The following RIMS2 variants were observed in gnomAD, a reference collection of about 807,000 sequenced individuals.
RIMS2 encodes the protein regulating synaptic membrane exocytosis protein 2.
RIMS2 carries 59 observed loss-of-function variants against 174.4 expected under a neutral mutation model. That is an observed-to-expected ratio of 0.34 (90% CI 0.27 to 0.42). The LOEUF is 0.42. RIMS2 is among the 10% of genes least tolerant of loss of function. The pLI is 1.00. For synonymous variants in RIMS2, 606 were observed against 572.5 expected, an observed-to-expected ratio of 1.06 and a Z score of -0.84; for missense variants, 1,620 against 1,666.3, an observed-to-expected ratio of 0.97 and a Z score of 0.48.
At chr8:104,137,622 ATACT>A (rs1444766393) in intron 19 of RIMS2, among the ~76,000 whole-genome samples, 1 of 152,192 alleles carries the variant, frequency 6.6e-6, no homozygotes, top group African/African-American at 2.4e-5. Flanking sequence ...TCAATAGAAG[ATACT>A]TAGAAGAGAA....
chr8:103,790,829 T>G (rs1380933550), intron 3 of RIMS2, among the ~76,000 whole-genome samples: 2 of 152,230 alleles, frequency 1.3e-5, no homozygotes, highest in Non-Finnish European at 2.9e-5. Context: ...TGATTTTATG[T>G]TTACATTGTA....
At chr8:103,946,983 T>C (rs1305223864) in intron 14 of RIMS2, among the ~76,000 whole-genome samples, 2 of 152,062 alleles carry the variant, frequency 1.3e-5, no homozygotes, top group Non-Finnish European at 2.9e-5. Flanking sequence ...AGCAAATCAA[T>C]GGGGGGGAAT....
At chr8:103,995,105 G>A (rs2094991850) in intron 17 of RIMS2, among the ~76,000 whole-genome samples, 1 of 151,762 alleles carries the variant, frequency 6.6e-6, no homozygotes, top group Admixed American at 6.6e-5. Context: ...TCCTTACATA[G>A]GCTCATAATC....
chr8:103,987,982 T>C (rs1348037597), intron 16 of RIMS2, among the ~76,000 whole-genome samples: 1 of 152,166 alleles, frequency 6.6e-6, no homozygotes, highest in Non-Finnish European at 1.5e-5. Flanking sequence ...AATAAAGATA[T>C]CAATTTTCCA....
At chr8:103,603,027 A>C (rs1310928326) in intron 1 of RIMS2, among the ~76,000 whole-genome samples, 1 of 151,800 alleles carries the variant, frequency 6.6e-6, no homozygotes, top group Non-Finnish European at 1.5e-5. Flanking sequence ...TTTAAGTTTT[A>C]GGGTACATGT....
In RIMS2 at chr8:104,073,124, A is replaced by G. The variant is rs558891206; in HGVS notation, c.3334+58509A>G. ...CAGAAAAATGTGATTTATTAAGTTT[A>G]ACAGTGTAAATTATGGTTCACCACA... is the stretch of plus-strand genomic sequence containing the variant. On this transcript the variant is annotated intron_variant, in intron 19 of 23. Transcript: ENST00000504942. 2.6e-5 allele frequency among the ~76,000 whole-genome samples: 4 copies of G among 152,146 alleles called. No homozygotes were observed. In the East Asian group the frequency reaches 7.7e-4, roughly 29 times the overall value.
At chr8:103,627,085 T>C (rs1227546564) in intron 1 of RIMS2, among the ~76,000 whole-genome samples, 3 of 152,106 alleles carry the variant, frequency 2.0e-5, no homozygotes, top group African/African-American at 7.2e-5. Context: ...TTTCAGTCCT[T>C]ATCTCAACTG....
chr8:103,609,282 AAT>A (rs1377928837), intron 1 of RIMS2, among the ~76,000 whole-genome samples: 7 of 152,222 alleles, frequency 4.6e-5, no homozygotes, highest in Non-Finnish European at 7.4e-5. Flanking sequence ...ATAGTTTGGA[AAT>A]ATTTTCTCCC....
At chr8:103,824,059 A>G (rs1263518906) in intron 3 of RIMS2, among the ~76,000 whole-genome samples, 2 of 152,078 alleles carry the variant, frequency 1.3e-5, no homozygotes, top group Non-Finnish European at 2.9e-5. Context: ...TTTGATTTAG[A>G]TATGTGTGTC....
intron 19 of RIMS2, among the ~76,000 whole-genome samples, chr8:104,200,329 T>C (rs1461109847): frequency 6.6e-6 from 1 of 152,232 alleles, no homozygotes; most frequent in African/African-American, 2.4e-5. Context: ...TTTTGTCCTA[T>C]CAGTTCACTT....
At chr8:104,036,601 G>T (rs533513701) in intron 19 of RIMS2, among the ~76,000 whole-genome samples, 2 of 152,122 alleles carry the variant, frequency 1.3e-5, no homozygotes, top group South Asian at 4.2e-4. Flanking sequence ...TTTTTAGGCT[G>T]GGCACAAGAG....
At chr8:103,839,181 G>A (rs994535646) in intron 3 of RIMS2, among the ~76,000 whole-genome samples, 2 of 152,186 alleles carry the variant, frequency 1.3e-5, no homozygotes, top group African/African-American at 4.8e-5. Flanking sequence ...TTCTCTGCTA[G>A]TTGCAACATT....
intron 1 of RIMS2, among the ~76,000 whole-genome samples, chr8:103,602,139 C>A (rs961784502): frequency 2.0e-5 from 3 of 152,068 alleles, no homozygotes; most frequent in African/African-American, 7.2e-5. Context: ...GTGCATGCCA[C>A]CATGCCTGGC....
At chr8:104,212,419 G>T (rs1393560042) in intron 19 of RIMS2, among the ~76,000 whole-genome samples, 1 of 152,128 alleles carries the variant, frequency 6.6e-6, no homozygotes, top group East Asian at 1.9e-4. Context: ...TAATCCTATG[G>T]AAGTCAAGAG....
chr8:103,973,086 C>A (rs994706362), intron 15 of RIMS2, among the ~76,000 whole-genome samples: 7 of 152,146 alleles, frequency 4.6e-5, no homozygotes, highest in Admixed American at 3.9e-4. Flanking sequence ...AATCTTCTTG[C>A]TGCAATCTCT....
intron 13 of RIMS2, among the ~76,000 whole-genome samples, chr8:103,940,083 C>G (rs1488587911): frequency 1.3e-5 from 2 of 152,198 alleles, no homozygotes; most frequent in Admixed American, 1.3e-4. Flanking sequence ...AGCACTTCCA[C>G]ATTTTCAGGT....
At chr8:104,216,675 G>A (rs1465137494) in intron 19 of RIMS2, among the ~76,000 whole-genome samples, 1 of 152,176 alleles carries the variant, frequency 6.6e-6, no homozygotes, top group Admixed American at 6.5e-5. Flanking sequence ...TTAAATGAGT[G>A]TATGTGCTGG....
chr8:103,975,733 C>A, intron 16 of RIMS2: 1 of 354,906 alleles, frequency 2.8e-6, no homozygotes, highest in East Asian at 4.8e-5. Flanking sequence ...GGCTTAAAAC[C>A]AGGGAAGCTG....
intron 19 of RIMS2, among the ~76,000 whole-genome samples, chr8:104,174,984 CA>C (rs2098869715): frequency 6.6e-6 from 1 of 151,972 alleles, no homozygotes; most frequent in African/African-American, 2.4e-5. Context: ...AGTCTTAAGC[CA>C]AAATAGTGAA....
Sources: allele counts gnomAD v4.1 joint callset (sites outside exome capture counted in the v4.1 genomes callset), GRCh38; gene constraint gnomAD v4.1.1; transcripts MANE v1.5; gene names NCBI Gene and HGNC (gene_info 2026-07-23, HGNC 2026-07-21).